UNC13C: variants seen among roughly 807,000 people sequenced by gnomAD.
UNC13C encodes protein unc-13 homolog C.
In UNC13C, 174 loss-of-function variants were observed where a neutral mutation model predicts 245.4. The ratio of observed to expected loss-of-function variants is 0.71; its 90% confidence interval spans 0.63 to 0.80. The LOEUF (loss-of-function observed/expected upper bound fraction) is 0.80. Among genes scored for constraint, UNC13C ranks in the 30% least tolerant of loss-of-function variants. The pLI is 0.00. For missense variants in UNC13C, 2,829 were observed against 2,602.9 expected (o/e 1.09, Z -1.89); for synonymous variants, 992 against 895.1 (o/e 1.11, Z -1.93).
Position 54,013,314 on chromosome 15 carries a change from C to G in UNC13C, c.411C>G (p.Ser137Arg), listed in dbSNP as rs755391398. The G allele has an allele frequency of 1.1e-4, 179 of 1,613,680 alleles. No homozygotes were observed. The highest frequency in any genetic ancestry group is 1.4e-4 in the Non-Finnish European group (168 of 1,179,850). ...AATCATTAAATGAACTAAGGAGTAGCACAGAAAACCAGGCACAATCAACAC... is the reference window on the plus strand; with the variant it reads ...AATCATTAAATGAACTAAGGAGTAGGACAGAAAACCAGGCACAATCAACAC... ...YSESLNELRS[S>R]TENQAQSTHT... The change falls in exon 2 of 33, where the codon AGC (serine) becomes AGG (arginine). Residue 137 changes from serine to arginine, a missense_variant. Physicochemically the swap from Ser to Arg is moderately radical, Grantham distance 110. Transcript: ENST00000260323.
At chr15:54,052,574 A>G (rs1421704259) in intron 2 of UNC13C, among the ~76,000 whole-genome samples, 1 of 152,224 alleles carries the variant, frequency 6.6e-6, no homozygotes, top group Non-Finnish European at 1.5e-5. Context: ...GGTTGTAATA[A>G]ACACATGGAT....
chr15:54,215,692 G>A (rs926855337), intron 4 of UNC13C, among the ~76,000 whole-genome samples: 33 of 151,924 alleles, frequency 2.2e-4, no homozygotes, highest in African/African-American at 8.0e-4. Context: ...AGTTCATGAA[G>A]TGGCATGGAG....
chr15:54,544,260 A>G (rs1896383461), intron 26 of UNC13C, among the ~76,000 whole-genome samples: 1 of 152,202 alleles, frequency 6.6e-6, no homozygotes. Flanking sequence ...GATGCTAAAA[A>G]AACTCTCAAT....
At chr15:53,920,256 T>C in the UNC13C span, among the ~76,000 whole-genome samples, 1 of 152,184 alleles carries the variant, frequency 6.6e-6, no homozygotes, top group Non-Finnish European at 1.5e-5. Context: ...TCTCTTGGAT[T>C]CTTTCTTTAG....
chr15:54,171,897 G>A (rs8038286), intron 4 of UNC13C, among the ~76,000 whole-genome samples: 4,104 of 152,156 alleles, frequency 0.027, 197 homozygotes, highest in African/African-American at 0.092. Flanking sequence ...AATGTGGTAT[G>A]TATACATAGT....
chr15:53,865,607 A>G, the UNC13C span, among the ~76,000 whole-genome samples: 2 of 152,166 alleles, frequency 1.3e-5, no homozygotes, highest in African/African-American at 4.8e-5. Context: ...ATCTCAACAT[A>G]TGAATTTTGA....
At chr15:53,942,383 C>T in the UNC13C span, among the ~76,000 whole-genome samples, 3 of 151,998 alleles carry the variant, frequency 2.0e-5, no homozygotes, top group African/African-American at 7.2e-5. Flanking sequence ...GGGGAAACCA[C>T]ATACACTGGG....
chr15:54,230,459 G>A (rs1338256813), intron 4 of UNC13C, among the ~76,000 whole-genome samples: 1 of 116,822 alleles, frequency 8.6e-6, no homozygotes, highest in African/African-American at 3.3e-5. Context: ...TCAATTTTGA[G>A]TGAAAATAAT....
the UNC13C span, among the ~76,000 whole-genome samples, chr15:53,866,374 G>C: frequency 1.3e-5 from 2 of 152,158 alleles, no homozygotes; most frequent in Non-Finnish European, 2.9e-5. Flanking sequence ...ATTGTCTTCA[G>C]AGCTGTTTAA....
In UNC13C at chr15:54,436,058, G is replaced by A. The variant is rs181812633; in HGVS notation, c.4933+20991G>A. ...GATTCCATCTAACACCAGTCAGAAT[G>A]GGGATCATTAAAAAGTTAGGAAACA... On this transcript the variant is annotated intron_variant, in intron 19 of 32. Coordinates refer to ENST00000260323, the MANE Select transcript of UNC13C (RefSeq NM_001080534.3). Among the ~76,000 whole-genome samples the A allele has an allele frequency of 2.6e-4, 40 of 152,124 alleles. 1 individual carries two copies. The highest frequency in any genetic ancestry group is 2.6e-3 in the Admixed American group (40 of 15,248).
intron 2 of UNC13C, among the ~76,000 whole-genome samples, chr15:54,038,074 A>G (rs1367405138): frequency 2.3e-5 from 3 of 132,854 alleles, no homozygotes; most frequent in Admixed American, 8.2e-5. Flanking sequence ...ACTTGTATGT[A>G]TATGTGTGTG....
chr15:54,374,102 G>A (rs1293396059), intron 17 of UNC13C, among the ~76,000 whole-genome samples: 4 of 152,164 alleles, frequency 2.6e-5, no homozygotes, highest in African/African-American at 4.8e-5. Context: ...TCCTCTGAAT[G>A]TCTCCCCAAG....
At chr15:54,333,274 T>A (rs1567194442) in intron 15 of UNC13C, among the ~76,000 whole-genome samples, 3 of 152,102 alleles carry the variant, frequency 2.0e-5, no homozygotes, top group Non-Finnish European at 2.9e-5. Context: ...AACCTTTTTT[T>A]AAAATCCATA....
intron 4 of UNC13C, among the ~76,000 whole-genome samples, chr15:54,217,611 C>G (rs2035081455): frequency 6.6e-6 from 1 of 151,902 alleles, no homozygotes; most frequent in African/African-American, 2.4e-5. Flanking sequence ...TCTGTCTACA[C>G]AAGTCTCTGA....
intron 5 of UNC13C, among the ~76,000 whole-genome samples, chr15:54,235,703 T>A (rs1172345365): frequency 6.6e-6 from 1 of 151,964 alleles, no homozygotes; most frequent in African/African-American, 2.4e-5. Flanking sequence ...ATACAAAAAA[T>A]TAACTGGAGT....
At chr15:54,390,222 T>C (rs963199033) in intron 17 of UNC13C, among the ~76,000 whole-genome samples, 4 of 152,250 alleles carry the variant, frequency 2.6e-5, no homozygotes, top group Non-Finnish European at 5.9e-5. Flanking sequence ...TACTGTCTTT[T>C]GCATGTAATG....
chr15:54,555,311 G>T (rs8039515), intron 28 of UNC13C, 121 bp from the exon 29 acceptor site: 355,883 of 698,946 alleles, frequency 0.51, 96,480 homozygotes, highest in African/African-American at 0.85. Flanking sequence ...AATGCATTCA[G>T]GTGCAGAAGA....
chr15:54,193,902 G>C (rs990248108), intron 4 of UNC13C, among the ~76,000 whole-genome samples: 2 of 152,120 alleles, frequency 1.3e-5, no homozygotes, highest in African/African-American at 4.8e-5. Flanking sequence ...TTAACACCTA[G>C]GTAATGAGAT....
intron 10 of UNC13C, among the ~76,000 whole-genome samples, chr15:54,289,666 T>C (rs925457075): frequency 6.6e-6 from 1 of 152,132 alleles, no homozygotes. Flanking sequence ...TACTAGCTTC[T>C]GAAGCTACTG....
Sources: allele counts gnomAD v4.1 joint callset (sites outside exome capture counted in the v4.1 genomes callset), GRCh38; gene constraint gnomAD v4.1.1; transcripts MANE v1.5; gene names NCBI Gene and HGNC (gene_info 2026-07-23, HGNC 2026-07-21).